FAM227B: variants seen among roughly 807,000 people sequenced by gnomAD.
The protein encoded by FAM227B is family with sequence similarity 227 member B.
In FAM227B, 88 loss-of-function variants were observed where a neutral mutation model predicts 73.8. That is an observed-to-expected ratio of 1.19 (90% confidence interval 1.00 to 1.42). FAM227B has a LOEUF of 1.42. Ranked by LOEUF, FAM227B falls within the 40% of genes most tolerant of loss-of-function variation. FAM227B has a pLI of 0.00. For missense variants in FAM227B, 632 were observed against 590.9 expected (o/e 1.07, Z -0.72); for synonymous variants, 210 against 190.5 (o/e 1.10, Z -0.84).
At chr15:49,451,811 G>A (rs1243984968) in intron 11 of FAM227B, among the ~76,000 whole-genome samples, 1 of 152,058 alleles carries the variant, frequency 6.6e-6, no homozygotes, top group Admixed American at 6.6e-5. Flanking sequence ...TAGCAATCAA[G>A]AGCGGTCAAG....
At chr15:49,404,729 T>A (rs1444872922) in intron 11 of FAM227B, among the ~76,000 whole-genome samples, 2 of 152,132 alleles carry the variant, frequency 1.3e-5, no homozygotes, top group Non-Finnish European at 2.9e-5. Flanking sequence ...TGCCACTCTA[T>A]GTCTTCTAAT....
chr15:49,475,537 G>A (rs1483746504), intron 11 of FAM227B, among the ~76,000 whole-genome samples: 1 of 151,918 alleles, frequency 6.6e-6, no homozygotes, highest in Non-Finnish European at 1.5e-5. Context: ...AGTAAAATTT[G>A]AAAATAAAAT....
rs573198735 is a variant in FAM227B at position 49,530,296 on chromosome 15, G to A, written c.874+11384C>T. On this transcript the variant is annotated intron_variant, in intron 10 of 15. Transcript: ENST00000299338. ...AATGTTTACTTTAGGCCACTCCTAT[G>A]GGTCTTTCAAAGCATACTTCACAGC... Among the ~76,000 whole-genome samples, 10 of 74,594 alleles carry A rather than the reference G, an allele frequency of 1.3e-4. No homozygotes were observed. In the South Asian group the frequency reaches 3.3e-3, roughly 24 times the overall value. 48.9% of individuals were successfully genotyped at this position (74,594 alleles called of 152,430 possible). A position where few individuals can be genotyped will look rare whatever the true frequency, so the allele number is the denominator to read the frequency against.
At chr15:49,489,708 T>C (rs978317152) in intron 11 of FAM227B, among the ~76,000 whole-genome samples, 2 of 146,778 alleles carry the variant, frequency 1.4e-5, no homozygotes, top group Admixed American at 7.0e-5. Flanking sequence ...TTGAAAACAA[T>C]TGATTTCAAT....
chr15:49,365,261 A>C, intron 13 of FAM227B: 1 of 1,249,354 alleles, frequency 8.0e-7, no homozygotes. Context: ...AACTGAGGCA[A>C]TAATAAGTGT....
chr15:49,583,999 C>T (rs1334553799), intron 5 of FAM227B, among the ~76,000 whole-genome samples: 2 of 152,158 alleles, frequency 1.3e-5, no homozygotes, highest in South Asian at 2.1e-4. Flanking sequence ...GGACTCCTCC[C>T]TAACTCATTC....
At chr15:49,415,488 A>G (rs1432423600) in intron 11 of FAM227B, among the ~76,000 whole-genome samples, 9 of 152,194 alleles carry the variant, frequency 5.9e-5, no homozygotes, top group Non-Finnish European at 1.3e-4. Context: ...TGAATTACAT[A>G]ATATGCTTTC....
chr15:49,565,138 C>A (rs1351168385), intron 9 of FAM227B, among the ~76,000 whole-genome samples: 1 of 151,974 alleles, frequency 6.6e-6, no homozygotes, highest in Non-Finnish European at 1.5e-5. Flanking sequence ...AATCCCAGCA[C>A]TTTGGGAGGC....
At chr15:49,349,566 T>C (rs186697123) in intron 13 of FAM227B, among the ~76,000 whole-genome samples, 29 of 152,318 alleles carry the variant, frequency 1.9e-4, no homozygotes, top group African/African-American at 7.0e-4. Flanking sequence ...TTGGTTCCTT[T>C]ATGGAATCCC....
At chr15:49,472,565 A>G (rs556961313) in intron 11 of FAM227B, among the ~76,000 whole-genome samples, 24 of 152,292 alleles carry the variant, frequency 1.6e-4, no homozygotes, top group African/African-American at 5.8e-4. Context: ...ATTGCTATGG[A>G]AAAAGGAGAG....
intron 11 of FAM227B, among the ~76,000 whole-genome samples, chr15:49,420,448 AAAGG>A (rs1286190908): frequency 6.6e-6 from 1 of 152,202 alleles, no homozygotes; most frequent in East Asian, 1.9e-4. Context: ...TTTTGTATAA[AAAGG>A]GTAAAAGTAA....
At chr15:49,602,454 T>G (rs561890396) in intron 3 of FAM227B, among the ~76,000 whole-genome samples, 10 of 152,378 alleles carry the variant, frequency 6.6e-5, no homozygotes, top group African/African-American at 2.2e-4. Context: ...TTTTGAGAAA[T>G]GTCTATTCAA....
intron 13 of FAM227B, chr15:49,366,606 C>T: frequency 6.2e-7 from 1 of 1,600,416 alleles, no homozygotes. Context: ...AAGATTGCTT[C>T]CTGAGCGGCT....
chr15:49,547,535 A>ATGTGTG (rs780922262), intron 9 of FAM227B, among the ~76,000 whole-genome samples: 19 of 152,222 alleles, frequency 1.2e-4, no homozygotes, highest in Non-Finnish European at 2.4e-4. Context: ...CAGGAAACCC[A>ATGTGTG]TCTCAAGTGC....
chr15:49,590,039 T>C, intron 3 of FAM227B, 32 bp from the exon 4 acceptor site: 1 of 1,096,478 alleles, frequency 9.1e-7, no homozygotes, highest in Non-Finnish European at 1.4e-6. Flanking sequence ...GAATATAGCT[T>C]AAGTCATTTT....
intron 11 of FAM227B, among the ~76,000 whole-genome samples, chr15:49,406,934 C>T (rs1204005621): frequency 6.6e-6 from 1 of 151,994 alleles, no homozygotes; most frequent in Admixed American, 6.6e-5. Flanking sequence ...GACCCCAGAA[C>T]ACCCGAGGAT....
At chr15:49,367,810 T>C (rs568971467) in intron 12 of FAM227B, 5 of 354,728 alleles carry the variant, frequency 1.4e-5, no homozygotes, top group South Asian at 1.1e-4. Flanking sequence ...TTCTACTCTT[T>C]TGAGTTATCA....
At chr15:49,523,927 T>C (rs2059963824) in intron 10 of FAM227B, among the ~76,000 whole-genome samples, 1 of 152,172 alleles carries the variant, frequency 6.6e-6, no homozygotes, top group African/African-American at 2.4e-5. Flanking sequence ...ATTTAGGTTA[T>C]TTGGCAGAAG....
intron 3 of FAM227B, among the ~76,000 whole-genome samples, chr15:49,599,489 G>T (rs2077064358): frequency 6.6e-6 from 1 of 151,930 alleles, no homozygotes; most frequent in South Asian, 2.1e-4. Flanking sequence ...TTTGGGCTTA[G>T]TTAGTTCTGC....
Sources: gnomAD v4.1 joint callset for allele counts (sites outside exome capture counted in the v4.1 genomes callset) on GRCh38, gnomAD v4.1.1 for gene constraint, MANE v1.5 for transcripts, NCBI Gene and HGNC (gene_info 2026-07-23, HGNC 2026-07-21) for gene names.